The following TMCC1 variants were observed in gnomAD, a reference collection of about 807,000 sequenced individuals.
TMCC1 encodes transmembrane and coiled-coil domains protein 1.
In TMCC1, 15 loss-of-function variants were observed where a neutral mutation model predicts 52.4. That is an observed-to-expected ratio of 0.29 (90% confidence interval 0.19 to 0.44). The LOEUF (loss-of-function observed/expected upper bound fraction) is 0.44. Among genes scored for constraint, TMCC1 ranks in the 20% least tolerant of loss-of-function variants. The probability of loss-of-function intolerance (pLI) is 1.00; values close to 1 mark genes in which losing one functional copy is unlikely to be tolerated. For missense variants in TMCC1, 503 were observed against 806.0 expected (o/e 0.62, Z 4.55); for synonymous variants, 279 against 301.9 (o/e 0.92, Z 0.79).
At chr3:129,824,061 C>T (rs769925650) in intron 4 of TMCC1, among the ~76,000 whole-genome samples, 10 of 152,148 alleles carry the variant, frequency 6.6e-5, no homozygotes, top group African/African-American at 1.9e-4. Flanking sequence ...TTTGGCTGGG[C>T]GCGGTGGCTC....
chr3:129,893,119 G>A (rs1442954176), intron 1 of TMCC1: 1 of 152,300 alleles, frequency 6.6e-6, no homozygotes, highest in African/African-American at 2.4e-5. Context: ...AGATTCCGAC[G>A]GGAACCGGCT....
intron 4 of TMCC1, among the ~76,000 whole-genome samples, chr3:129,678,011 C>T (rs945906100): frequency 1.3e-5 from 2 of 152,202 alleles, no homozygotes; most frequent in African/African-American, 4.8e-5. Context: ...ACTGCAACCT[C>T]TGCCTCCTGG....
At chr3:129,653,685 G>A (rs558021892) in intron 6 of TMCC1, among the ~76,000 whole-genome samples, 6 of 151,996 alleles carry the variant, frequency 3.9e-5, no homozygotes, top group African/African-American at 9.7e-5. Context: ...TGATCCGCCC[G>A]CCTCGGCCTC....
chr3:129,801,174 C>T (rs960785356), intron 4 of TMCC1, among the ~76,000 whole-genome samples: 12 of 152,086 alleles, frequency 7.9e-5, no homozygotes, highest in South Asian at 4.1e-4. Flanking sequence ...CTGCCTGCCT[C>T]GGCCTCCCAA....
chr3:129,762,471 C>T (rs905522826), intron 4 of TMCC1, among the ~76,000 whole-genome samples: 6 of 152,244 alleles, frequency 3.9e-5, no homozygotes, highest in African/African-American at 1.4e-4. Context: ...TGGTTATTTC[C>T]TCTTCTCACT....
At chr3:129,706,335 A>G (rs1223150795) in intron 4 of TMCC1, among the ~76,000 whole-genome samples, 1 of 150,930 alleles carries the variant, frequency 6.6e-6, no homozygotes, top group East Asian at 1.9e-4. Context: ...CCTCCTGAGT[A>G]GCTGGGACTA....
rs775961966 is a variant in TMCC1 at position 129,819,069 on chromosome 3, T to TCA, written c.576+8732_576+8733dup. ...ATAAAATGTAGAATGTGAAAGGTTC[T>TCA]CATTCTTTTTCTTTCTTTCTTTTTT... On this transcript the variant is annotated intron_variant, in intron 4 of 6. Transcript: ENST00000393238. 5 of 152,706 alleles carry TCA rather than the reference T, an allele frequency of 3.3e-5. No individual in the cohort carries two copies. In the East Asian group the frequency reaches 7.7e-4, roughly 24 times the overall value. 9.5% of individuals were successfully genotyped at this position (152,706 alleles called of 1,614,324 possible). A position where few individuals can be genotyped will look rare whatever the true frequency, so the allele number is the denominator to read the frequency against.
chr3:129,709,497 A>AGAGAG (rs1553838680), intron 4 of TMCC1, among the ~76,000 whole-genome samples: 13 of 64,032 alleles, frequency 2.0e-4, no homozygotes, highest in African/African-American at 8.7e-4. Flanking sequence ...AAAAAAAAAA[A>AGAGAG]AGAGAGAGAG....
chr3:129,716,165 T>TTTTC (rs2049071861), intron 4 of TMCC1, among the ~76,000 whole-genome samples: 1 of 4,150 alleles, frequency 2.4e-4, no homozygotes, highest in South Asian at 0.01. Flanking sequence ...CTTTTTTCTT[T>TTTTC]GTTTTTTTTT....
intron 4 of TMCC1, chr3:129,688,842 C>G: frequency 1.5e-6 from 1 of 682,206 alleles, no homozygotes; most frequent in Non-Finnish European, 1.8e-6. Context: ...GGATTTAAAG[C>G]TACAGGGTAT....
chr3:129,799,251 G>A (rs1368110866), intron 4 of TMCC1, among the ~76,000 whole-genome samples: 3 of 152,072 alleles, frequency 2.0e-5, no homozygotes, highest in African/African-American at 7.2e-5. Flanking sequence ...AATGTTTTGG[G>A]CTCCACATTT....
At chr3:129,656,274 G>A (rs1425035872) in intron 5 of TMCC1, among the ~76,000 whole-genome samples, 1 of 152,194 alleles carries the variant, frequency 6.6e-6, no homozygotes, top group Non-Finnish European at 1.5e-5. Context: ...CTAGCTTCTG[G>A]TGCCTAGAAT....
intron 4 of TMCC1, among the ~76,000 whole-genome samples, chr3:129,717,062 A>G (rs2049164411): frequency 6.6e-6 from 1 of 152,232 alleles, no homozygotes; most frequent in East Asian, 1.9e-4. Flanking sequence ...TGTCTTAAAT[A>G]AACTTCTTGA....
At chr3:129,847,001 T>TCATACATA (rs747317117) in intron 2 of TMCC1, 2 of 151,602 alleles carry the variant, frequency 1.3e-5, no homozygotes, top group Non-Finnish European at 2.9e-5. Context: ...ATTCATTCAT[T>TCATACATA]CATACATACA....
intron 4 of TMCC1, among the ~76,000 whole-genome samples, chr3:129,783,463 A>G (rs1006518500): frequency 6.6e-6 from 1 of 152,024 alleles, no homozygotes; most frequent in East Asian, 1.9e-4. Flanking sequence ...TTCCCACATG[A>G]TATACCCCTT....
chr3:129,852,975 T>C (rs2059983170), intron 2 of TMCC1, among the ~76,000 whole-genome samples: 1 of 152,196 alleles, frequency 6.6e-6, no homozygotes. Context: ...CCACTCCAAG[T>C]GTCAATTAAT....
At chr3:129,883,359 T>C (rs1434833219) in intron 1 of TMCC1, among the ~76,000 whole-genome samples, 1 of 151,702 alleles carries the variant, frequency 6.6e-6, no homozygotes, top group Non-Finnish European at 1.5e-5. Flanking sequence ...ATGCCTGTAA[T>C]CCCAGCACTT....
At chr3:129,798,524 CAAA>C (rs796919072) in intron 4 of TMCC1, among the ~76,000 whole-genome samples, 2 of 67,892 alleles carry the variant, frequency 2.9e-5, no homozygotes, top group Admixed American at 1.8e-4. Flanking sequence ...TCTTCCTATC[CAAA>C]AAAAAAAAAA....
intron 4 of TMCC1, among the ~76,000 whole-genome samples, chr3:129,709,803 C>T (rs1318503850): frequency 6.6e-6 from 1 of 152,036 alleles, no homozygotes; most frequent in Non-Finnish European, 1.5e-5. Context: ...CAATAATGCA[C>T]ACTGATAATG....
Sources: allele counts gnomAD v4.1 joint callset (sites outside exome capture counted in the v4.1 genomes callset), GRCh38; gene constraint gnomAD v4.1.1; transcripts MANE v1.5; gene names NCBI Gene and HGNC (gene_info 2026-07-23, HGNC 2026-07-21).